DOP1A: variants seen among roughly 807,000 people sequenced by gnomAD.
The protein encoded by DOP1A is DOP1 leucine zipper like protein A.
DOP1A carries 90 observed loss-of-function variants against 267.6 expected under a neutral mutation model. The ratio of observed to expected loss-of-function variants is 0.34; its 90% confidence interval spans 0.28 to 0.40. The LOEUF (loss-of-function observed/expected upper bound fraction) is 0.40. Ranked by LOEUF, DOP1A falls within the 10% of genes least tolerant of loss-of-function variation. DOP1A has a pLI of 1.00. For missense variants in DOP1A, 2,437 were observed against 2,900.4 expected, an observed-to-expected ratio of 0.84 and a Z score of 3.67; for synonymous variants, 932 against 999.1, an observed-to-expected ratio of 0.93 and a Z score of 1.27.
intron 8 of DOP1A, among the ~76,000 whole-genome samples, chr6:83,119,254 T>C (rs1292632370): frequency 1.3e-5 from 2 of 152,166 alleles, no homozygotes; most frequent in African/African-American, 2.4e-5. Flanking sequence ...GAGATGGTTG[T>C]ATATAAGTTA....
At chr6:83,158,905 T>A (rs1783495959) in intron 36 of DOP1A, among the ~76,000 whole-genome samples, 1 of 152,194 alleles carries the variant, frequency 6.6e-6, no homozygotes, top group African/African-American at 2.4e-5. Flanking sequence ...GTAAGTCACA[T>A]CTGGTCTCTG....
At chr6:83,151,685 A>T (rs369109975) in intron 28 of DOP1A, 26 bp downstream of exon 28, 1 of 1,580,030 alleles carries the variant, frequency 6.3e-7, no homozygotes, top group Non-Finnish European at 8.6e-7. Flanking sequence ...AGCTGTTGCC[A>T]AAACTGTTTC....
In DOP1A at chr6:83,125,212, G is replaced by A. The variant is rs776547111; in HGVS notation, c.1485+17G>A. 4 of 1,557,476 alleles carry A rather than the reference G, an allele frequency of 2.6e-6. No homozygotes were observed. Among genetic ancestry groups the A allele is most frequent in the Non-Finnish European group, 2.6e-6 (3 of 1,161,122 alleles). On this transcript the variant is annotated intron_variant, in intron 14 of 38. Transcript: ENST00000349129. Reference sequence around the variant, plus strand: ...CTGTGTCAGGTATGACATTCAGCCTGTTTTGTTTTTAAATGATTCTATTTA... The same window carrying A: ...CTGTGTCAGGTATGACATTCAGCCTATTTTGTTTTTAAATGATTCTATTTA...
intron 1 of DOP1A, among the ~76,000 whole-genome samples, chr6:83,068,374 A>C (rs1785052698): frequency 6.6e-6 from 1 of 152,190 alleles, no homozygotes; most frequent in South Asian, 2.1e-4. Context: ...TTAAAGTTGC[A>C]ACATAACAAT....
chr6:83,105,366 T>C (rs1582952393), intron 4 of DOP1A, among the ~76,000 whole-genome samples: 1 of 134,458 alleles, frequency 7.4e-6, no homozygotes, highest in African/African-American at 2.8e-5. Flanking sequence ...CTTTTTTTTT[T>C]TTTTTTTTTT....
chr6:83,090,074 C>CT (rs1262504469), intron 1 of DOP1A, among the ~76,000 whole-genome samples: 1 of 152,190 alleles, frequency 6.6e-6, no homozygotes. Context: ...TTAATTATAA[C>CT]TTACTACCCC....
intron 1 of DOP1A, among the ~76,000 whole-genome samples, chr6:83,083,715 T>C (rs1468202608): frequency 1.3e-5 from 2 of 152,238 alleles, no homozygotes; most frequent in Non-Finnish European, 2.9e-5. Flanking sequence ...TTTATTTGGC[T>C]ACTATGCTTT....
At chr6:83,100,542 A>G (rs917574473) in intron 3 of DOP1A, among the ~76,000 whole-genome samples, 163 bp from the exon 4 acceptor site, 4 of 152,194 alleles carry the variant, frequency 2.6e-5, no homozygotes, top group African/African-American at 7.2e-5. Flanking sequence ...AGTTTGTAAC[A>G]TTTCCTCAGT....
chr6:83,134,637 C>T (rs1162003397), intron 19 of DOP1A, among the ~76,000 whole-genome samples: 2 of 152,042 alleles, frequency 1.3e-5, no homozygotes, highest in South Asian at 2.1e-4. Context: ...GTTTCTCAAG[C>T]AATTATTTTC....
rs1783403844 is a variant in DOP1A at position 83,158,615 on chromosome 6, A to G, written c.6790A>G (p.Ile2264Val). The G allele has an allele frequency of 2.0e-5, 32 of 1,603,378 alleles. No homozygotes were observed. Among genetic ancestry groups the G allele is most frequent in the Non-Finnish European group, 2.6e-5 (30 of 1,172,744 alleles). The change falls in exon 36 of 39, where the codon ATT (isoleucine) becomes GTT (valine). Residue 2264 changes from isoleucine to valine, a missense_variant. Transcript: ENST00000349129. ...MEQELTADED[I>V]SRTSGPSVAG... ...GCAGGAACTCACTGCTGATGAAGAT[A>G]TTTCACGGTAATATGTAATTTAAAT...
At chr6:83,164,905 T>G (rs549787612) in intron 38 of DOP1A, 1 of 572,372 alleles carries the variant, frequency 1.7e-6, no homozygotes, top group South Asian at 2.2e-5. Flanking sequence ...TATTTAATAT[T>G]GAGACAATAC....
chr6:83,130,202 G>T lies in DOP1A; in HGVS notation c.2421G>T (p.Gln807His). Reference sequence around the variant, plus strand: ...GCCAAGCAAGTGATTTCAGTGTTCAGAGTGTTGCTATTTCACTAGTTATGG... The same window carrying T: ...GCCAAGCAAGTGATTTCAGTGTTCATAGTGTTGCTATTTCACTAGTTATGG... Reference protein sequence around the residue: ...ACSQASDFSVQSVAISLVMDL... With the variant: ...ACSQASDFSVHSVAISLVMDL... The change falls in exon 17 of 39, where the codon CAG (glutamine) becomes CAT (histidine). Residue 807 changes from glutamine (Q) to histidine (H), a missense_variant. Around this residue, in one of 9 missense-constraint regions of DOP1A, gnomAD observed 878 missense variants for 992.9 expected, o/e 0.88. Coordinates refer to ENST00000349129, the MANE Select transcript of DOP1A (RefSeq NM_015018.4). 6.2e-7 allele frequency: 1 copy of T among 1,614,120 alleles called. No homozygotes were observed.
chr6:83,125,103 G>T lies in DOP1A; in HGVS notation c.1456-63G>T, dbSNP rs1341209717. ...ATTAATATTATTTCTATTAAATGAAGACTTTTGGAAATCTTTTCCCTTCTG... is the reference window on the plus strand; with the variant it reads ...ATTAATATTATTTCTATTAAATGAATACTTTTGGAAATCTTTTCCCTTCTG... On this transcript the variant is annotated intron_variant, in intron 13 of 38. Transcript: ENST00000349129. 8 of 1,426,332 alleles carry T rather than the reference G, an allele frequency of 5.6e-6. No homozygotes were observed. In the African/African-American group the frequency reaches 8.7e-5, roughly 15 times the overall value. The allele number at this position is 1,426,332 out of a possible 1,614,324, so 88.4% of individuals were successfully genotyped here. A position where few individuals can be genotyped will look rare whatever the true frequency, so the allele number is the denominator to read the frequency against.
Position 83,122,989 on chromosome 6 carries a change from T to G in DOP1A, c.1340+7T>G. The G allele has an allele frequency of 2.5e-6, 4 of 1,578,760 alleles. No homozygotes were observed. The highest frequency in any genetic ancestry group is 3.4e-6 in the Non-Finnish European group (4 of 1,168,696). On this transcript the variant is annotated splice_region_variant and intron_variant, in intron 12 of 38. Transcript: ENST00000349129. Reference sequence around the variant, plus strand: ...GGTTTGAAGAATGTTGTAGGTATGTTAAACTTTCATTCCTTTTAATTTCGT... The same window carrying G: ...GGTTTGAAGAATGTTGTAGGTATGTGAAACTTTCATTCCTTTTAATTTCGT...
At chr6:83,170,140 A>G, downstream of DOP1A, 1 of 634,506 alleles carries the variant, frequency 1.6e-6, no homozygotes. Flanking sequence ...GTTAAATTGT[A>G]TAATTACTGC....
At chr6:83,150,203 G>C (rs1403823430) in intron 27 of DOP1A, among the ~76,000 whole-genome samples, 1 of 152,154 alleles carries the variant, frequency 6.6e-6, no homozygotes, top group Non-Finnish European at 1.5e-5. Context: ...GGGAGACTGT[G>C]TCTCTACAAA....
intron 1 of DOP1A, among the ~76,000 whole-genome samples, chr6:83,073,652 TA>T (rs1361736816): frequency 6.6e-6 from 1 of 152,260 alleles, no homozygotes; most frequent in African/African-American, 2.4e-5. Context: ...TGTAGTGATT[TA>T]AAACAGTATC....
At chr6:83,107,545 G>C (rs1416221568) in intron 4 of DOP1A, among the ~76,000 whole-genome samples, 2 of 152,178 alleles carry the variant, frequency 1.3e-5, no homozygotes, top group Admixed American at 6.5e-5. Flanking sequence ...TATAGTCATG[G>C]TCCTTTGTTT....
intron 4 of DOP1A, among the ~76,000 whole-genome samples, chr6:83,106,509 A>AATAGAAAATGTACCAGG (rs1285423501): frequency 5.9e-5 from 9 of 151,958 alleles, no homozygotes; most frequent in Non-Finnish European, 1.0e-4. Context: ...AAGAGTCAGA[A>AATAGAAAATGTACCAGG]ATAGAAAATG....
Sources: gnomAD v4.1 joint callset for allele counts (sites outside exome capture counted in the v4.1 genomes callset) on GRCh38, gnomAD v4.1.1 for gene constraint, gnomAD v4.1.1 regional missense constraint, MANE v1.5 for transcripts, NCBI Gene and HGNC (gene_info 2026-07-23, HGNC 2026-07-21) for gene names.